The following DCAF8L2 variants were observed in gnomAD, a reference collection of about 807,000 sequenced individuals.
DCAF8L2 encodes the protein DDB1- and CUL4-associated factor 8-like protein 2.
For missense variants in DCAF8L2, 430 were observed against 490.7 expected (o/e 0.88, Z 1.17); for synonymous variants, 200 against 190.9 (o/e 1.05, Z -0.39).
At chrX:27,646,769 C>CA (rs761393936) in intron 2 of DCAF8L2, among the ~76,000 whole-genome samples, 17 of 110,089 alleles carry the variant, frequency 1.5e-4, no homozygotes, top group East Asian at 1.4e-3. Context: ...GGCTACTTCT[C>CA]AAAAAAAAGA....
the DCAF8L2 span, among the ~76,000 whole-genome samples, chrX:27,534,106 G>A: frequency 9.0e-6 from 1 of 110,593 alleles, no homozygotes; most frequent in Admixed American, 9.6e-5. Flanking sequence ...AGCTCCTGGG[G>A]AGGCTGAGAC....
At chrX:27,587,985 A>AAAAAAAATATATATATATATAT, upstream of DCAF8L2, among the ~76,000 whole-genome samples, 3 of 22,354 alleles carry the variant, frequency 1.3e-4, no homozygotes, top group African/African-American at 2.0e-4. Flanking sequence ...TAAAAAAAAA[A>AAAAAAAATATATATATATATAT]ATATATATAT....
the DCAF8L2 span, among the ~76,000 whole-genome samples, chrX:27,577,577 AG>A: frequency 8.9e-6 from 1 of 112,008 alleles, no homozygotes; most frequent in Non-Finnish European, 1.9e-5. Flanking sequence ...AATTAGAGAA[AG>A]GGCATTCAAA....
chrX:27,731,394 C>G (rs1921200089), intron 4 of DCAF8L2, among the ~76,000 whole-genome samples: 1 of 111,298 alleles, frequency 9.0e-6, no homozygotes, highest in African/African-American at 3.3e-5. Context: ...GAGAAAGACT[C>G]TGTCTCAAAA....
At chrX:27,614,533 A>C (rs1927362222) in intron 1 of DCAF8L2, among the ~76,000 whole-genome samples, 1 of 110,341 alleles carries the variant, frequency 9.1e-6, no homozygotes, top group African/African-American at 3.3e-5. Context: ...TAGTTCTTTT[A>C]ATTGTGATGT....
the DCAF8L2 span, among the ~76,000 whole-genome samples, chrX:27,534,160 G>A: frequency 2.8e-5 from 3 of 108,385 alleles, no homozygotes; most frequent in South Asian, 4.2e-4. Flanking sequence ...GCAGTGAGCC[G>A]TGATCACACC....
chrX:27,735,120 A>T (rs1320364299), intron 4 of DCAF8L2, among the ~76,000 whole-genome samples: 1 of 111,896 alleles, frequency 8.9e-6, no homozygotes, highest in Non-Finnish European at 1.9e-5. Flanking sequence ...AGAGAAAAAC[A>T]AATAGAGTAA....
intron 1 of DCAF8L2, among the ~76,000 whole-genome samples, chrX:27,598,977 AT>A (rs1926505791): frequency 1.1e-4 from 6 of 53,967 alleles, no homozygotes; most frequent in South Asian, 1.4e-3. Context: ...AAAAAAAAAT[AT>A]ATATATATAT....
chrX:27,597,657 A>T (rs1164564907), intron 1 of DCAF8L2, among the ~76,000 whole-genome samples: 2 of 112,205 alleles, frequency 1.8e-5, no homozygotes, highest in Non-Finnish European at 3.8e-5. Context: ...AATGAATCGC[A>T]TTCCATTTTA....
chrX:27,664,628 C>T (rs1216114449), intron 2 of DCAF8L2, among the ~76,000 whole-genome samples: 1 of 112,099 alleles, frequency 8.9e-6, no homozygotes, highest in Non-Finnish European at 1.9e-5. Context: ...AAGAGGCCGT[C>T]TAGGACATTG....
At chrX:27,487,608 A>G in the DCAF8L2 span, among the ~76,000 whole-genome samples, 2 of 112,413 alleles carry the variant, frequency 1.8e-5, no homozygotes, top group Admixed American at 9.4e-5. Context: ...TGATATAGAG[A>G]AATTGAATTG....
At chrX:27,577,328 CT>C in the DCAF8L2 span, among the ~76,000 whole-genome samples, 1 of 111,518 alleles carries the variant, frequency 9.0e-6, no homozygotes, top group Non-Finnish European at 1.9e-5. Flanking sequence ...CACAGTGAAC[CT>C]TCTGTAAATC....
intron 1 of DCAF8L2, among the ~76,000 whole-genome samples, chrX:27,603,018 A>G (rs1926719909): frequency 8.9e-6 from 1 of 112,010 alleles, no homozygotes; most frequent in South Asian, 3.6e-4. Flanking sequence ...CATTTTATAA[A>G]GTATTCTTTA....
chrX:27,533,172 A>AAGAGAGAGAGAGAGAGAGAGAG, the DCAF8L2 span, among the ~76,000 whole-genome samples: 1 of 13,316 alleles, frequency 7.5e-5, no homozygotes, highest in Non-Finnish European at 1.7e-4. Flanking sequence ...GAGAGAAAGA[A>AAGAGAGAGAGAGAGAGAGAGAG]AGAAAGAAAG....
chrX:27,582,545 T>A, the DCAF8L2 span, among the ~76,000 whole-genome samples: 1 of 111,629 alleles, frequency 9.0e-6, no homozygotes, highest in African/African-American at 3.3e-5. Flanking sequence ...TTTTTCATGA[T>A]TTGAATGAAG....
At chrX:27,572,466 G>T in the DCAF8L2 span, among the ~76,000 whole-genome samples, 2 of 111,701 alleles carry the variant, frequency 1.8e-5, no homozygotes, top group East Asian at 5.6e-4. Context: ...AGACCATGTG[G>T]AGTTAAAATG....
chrX:27,624,057 G>A (rs909979389), intron 1 of DCAF8L2, among the ~76,000 whole-genome samples: 3 of 111,814 alleles, frequency 2.7e-5, no homozygotes, highest in Admixed American at 9.5e-5. Flanking sequence ...TTGAAGCTCA[G>A]AGTACATGTA....
chrX:27,608,760 G>T (rs1927028066), intron 1 of DCAF8L2, among the ~76,000 whole-genome samples: 1 of 109,616 alleles, frequency 9.1e-6, no homozygotes, highest in African/African-American at 3.3e-5. Flanking sequence ...CTCTGGCTAA[G>T]ATTTATAAGT....
At chrX:27,554,619 A>G in the DCAF8L2 span, among the ~76,000 whole-genome samples, 2 of 112,128 alleles carry the variant, frequency 1.8e-5, no homozygotes, top group African/African-American at 3.2e-5. Flanking sequence ...GAGAATCACA[A>G]TTTAGAACCC....
Sources: allele counts gnomAD v4.1 joint callset (sites outside exome capture counted in the v4.1 genomes callset), GRCh38; gene constraint gnomAD v4.1.1; transcripts MANE v1.5; gene names NCBI Gene and HGNC (gene_info 2026-07-23, HGNC 2026-07-21).